MEMO1: variants seen among roughly 807,000 people sequenced by gnomAD.
The protein encoded by MEMO1 is protein MEMO1.
Under a neutral mutation model 45.2 loss-of-function variants are expected in MEMO1, and 6 were observed. That is an observed-to-expected ratio of 0.13 (90% confidence interval 0.07 to 0.26). The LOEUF (loss-of-function observed/expected upper bound fraction) is 0.26, where lower values mean the gene tolerates loss of function less well. Among genes scored for constraint, MEMO1 ranks in the 10% least tolerant of loss-of-function variants. The pLI is 1.00. For synonymous variants in MEMO1, 78 were observed against 124.3 expected (o/e 0.63, Z 2.48); for missense variants, 184 against 370.5 (o/e 0.50, Z 4.13).
intron 2 of MEMO1, among the ~76,000 whole-genome samples, chr2:31,995,278 C>G (rs1572926928): frequency 6.6e-6 from 1 of 151,992 alleles, no homozygotes; most frequent in East Asian, 1.9e-4. Flanking sequence ...ATGGTGAAAC[C>G]TCATCTCTAC....
At chr2:31,896,843 G>A (rs553220922) in intron 6 of MEMO1, among the ~76,000 whole-genome samples, 3 of 152,306 alleles carry the variant, frequency 2.0e-5, no homozygotes, top group African/African-American at 7.2e-5. Flanking sequence ...GGGCAAAAAT[G>A]TATGAATAGA....
intron 8 of MEMO1, among the ~76,000 whole-genome samples, chr2:31,870,755 T>C (rs1304790248): frequency 3.3e-5 from 5 of 152,108 alleles, no homozygotes; most frequent in Non-Finnish European, 7.4e-5. Context: ...TTTTTGTATT[T>C]TTAGTAGAGA....
At chr2:31,962,638 A>G (rs1412502221) in intron 2 of MEMO1, among the ~76,000 whole-genome samples, 3 of 152,250 alleles carry the variant, frequency 2.0e-5, no homozygotes, top group African/African-American at 7.2e-5. Flanking sequence ...CACCTTTCCA[A>G]ATGAAAAAAC....
chr2:31,969,572 GGGGTGTGTGTGTGGGTGTGTGTGTGT>G (rs1244379245), intron 2 of MEMO1, among the ~76,000 whole-genome samples: 80 of 108,580 alleles, frequency 7.4e-4, no homozygotes, highest in African/African-American at 2.8e-3. Flanking sequence ...ATCTTTTCTG[GGGGTGTGTGTGTGGGTGTGTGTGTGT>G]GTGTGTGTGT....
intron 2 of MEMO1, among the ~76,000 whole-genome samples, chr2:31,975,628 G>C (rs1456962388): frequency 6.6e-6 from 1 of 152,078 alleles, no homozygotes; most frequent in Non-Finnish European, 1.5e-5. Context: ...AGCTAAGAAA[G>C]GAGTCTAAAC....
chr2:31,996,872 A>G (rs1335817771), intron 2 of MEMO1, among the ~76,000 whole-genome samples: 1 of 152,158 alleles, frequency 6.6e-6, no homozygotes. Context: ...CTAGGATTAC[A>G]GGCATGAACT....
chr2:31,873,693 A>G (rs1674127875), intron 8 of MEMO1, among the ~76,000 whole-genome samples: 1 of 152,142 alleles, frequency 6.6e-6, no homozygotes, highest in African/African-American at 2.4e-5. Flanking sequence ...AATTCCAACC[A>G]CATAATTAAC....
At chr2:31,991,019 T>C (rs1471851049) in intron 2 of MEMO1, among the ~76,000 whole-genome samples, 2 of 152,150 alleles carry the variant, frequency 1.3e-5, no homozygotes, top group African/African-American at 4.8e-5. Flanking sequence ...ATAATGACTA[T>C]GTTATAATAT....
intron 6 of MEMO1, among the ~76,000 whole-genome samples, chr2:31,912,931 C>G (rs1680814573): frequency 6.6e-6 from 1 of 152,058 alleles, no homozygotes; most frequent in South Asian, 2.1e-4. Flanking sequence ...TATGTTTTCT[C>G]CTTTAGACTA....
At chr2:32,008,174 C>T (rs957001549) in intron 2 of MEMO1, among the ~76,000 whole-genome samples, 1 of 152,188 alleles carries the variant, frequency 6.6e-6, no homozygotes, top group Non-Finnish European at 1.5e-5. Flanking sequence ...GAAGTCTTTC[C>T]AAATCCAAGT....
Position 31,901,735 on chromosome 2 carries a change from C to T in MEMO1, c.438-9601G>A, listed in dbSNP as rs534186071. On this transcript the variant is annotated intron_variant, in intron 6 of 9. Transcript: ENST00000404530. The stretch of plus-strand genomic sequence containing the variant: ...CAGTCTGGCCAACATGGTGAAACCC[C>T]GTCTCTACTAAAAATACAAAAAAAT... Among the ~76,000 whole-genome samples, 579 of 151,634 alleles carry T rather than the reference C, an allele frequency of 3.8e-3. 2 individuals are homozygous for T. The highest frequency in any genetic ancestry group is 0.013 in the African/African-American group (554 of 41,356).
chr2:31,921,498 C>T (rs181678014), intron 4 of MEMO1, among the ~76,000 whole-genome samples: 89 of 152,196 alleles, frequency 5.8e-4, no homozygotes, highest in African/African-American at 2.1e-3. Flanking sequence ...TAAACCAACC[C>T]ACTATGCATA....
chr2:31,930,026 G>A (rs867382160), intron 4 of MEMO1, among the ~76,000 whole-genome samples: 34 of 152,342 alleles, frequency 2.2e-4, no homozygotes, highest in African/African-American at 6.5e-4. Context: ...TTGGGAGGCC[G>A]AGGTGGGCGG....
Position 31,875,949 on chromosome 2 carries a change from A to G in MEMO1, c.658-5997T>C, listed in dbSNP as rs1030286763. ...TGATCTGCTCGCCTCGGCCCCCCAA[A>G]CTGCTGGGATTACAGGCATGAGCCA... On this transcript the variant is annotated intron_variant, in intron 8 of 9. Coordinates refer to ENST00000404530, the MANE Select transcript of MEMO1 (RefSeq NM_001301833.4). Among the ~76,000 whole-genome samples the G allele has an allele frequency of 3.3e-5, 5 of 151,894 alleles. No individual in the cohort carries two copies. The South Asian group carries it at 6.3e-4, about 19-fold the overall frequency.
At chr2:31,942,813 C>G (rs2148319635) in intron 3 of MEMO1, among the ~76,000 whole-genome samples, 1 of 152,258 alleles carries the variant, frequency 6.6e-6, no homozygotes, top group South Asian at 2.1e-4. Context: ...TGAGCCACCA[C>G]ACGCAGCCAA....
At chr2:31,988,998 G>A (rs999287172) in intron 2 of MEMO1, among the ~76,000 whole-genome samples, 1 of 152,170 alleles carries the variant, frequency 6.6e-6, no homozygotes, top group South Asian at 2.1e-4. Context: ...CCTGAGTTCG[G>A]GAGTTTGAGA....
intron 1 of MEMO1, 107 bp from the exon 2 acceptor site, chr2:32,010,371 G>C (rs1453850342): frequency 9.0e-6 from 4 of 443,888 alleles, no homozygotes; most frequent in Non-Finnish European, 1.6e-5. Context: ...CGGCAGCGGG[G>C]AGGGGATCAG....
intron 3 of MEMO1, among the ~76,000 whole-genome samples, chr2:31,933,337 AAAAAAAAAAAAATTTATAT>A (rs1558514089): frequency 4.6e-5 from 3 of 65,180 alleles, no homozygotes; most frequent in Non-Finnish European, 8.1e-5. Context: ...AAAAAAAAAA[AAAAAAAAAAAAATTTATAT>A]ATATATATAT....
intron 2 of MEMO1, among the ~76,000 whole-genome samples, chr2:31,989,112 A>G (rs1485065046): frequency 6.6e-6 from 1 of 152,028 alleles, no homozygotes; most frequent in Non-Finnish European, 1.5e-5. Flanking sequence ...AGGCTGAGGC[A>G]GGGGAATCGC....
Sources: allele counts gnomAD v4.1 joint callset (sites outside exome capture counted in the v4.1 genomes callset), GRCh38; gene constraint gnomAD v4.1.1; transcripts MANE v1.5; gene names NCBI Gene and HGNC (gene_info 2026-07-23, HGNC 2026-07-21).